The following GALNT1 variants were observed in gnomAD, a reference collection of about 807,000 sequenced individuals.
GALNT1 encodes the protein GalNAc transferase 1.
GALNT1 carries 17 observed loss-of-function variants against 65.7 expected under a neutral mutation model. The observed-to-expected ratio is 0.26, with a 90% CI of 0.18 to 0.39. GALNT1 has a LOEUF of 0.39. GALNT1 is among the 10% of genes least tolerant of loss of function. The pLI is 1.00. For missense variants in GALNT1, 460 were observed against 672.8 expected (o/e 0.68, Z 3.50); for synonymous variants, 210 against 219.7 (o/e 0.96, Z 0.39).
At chr18:35,603,452 G>A (rs1424233610) in intron 1 of GALNT1, among the ~76,000 whole-genome samples, 4 of 152,024 alleles carry the variant, frequency 2.6e-5, no homozygotes, top group African/African-American at 9.7e-5. Context: ...ATTTGTTTTT[G>A]GTTTTCTGCA....
At chr18:35,685,484 TAA>T (rs66682919) in intron 5 of GALNT1, among the ~76,000 whole-genome samples, 29 of 132,234 alleles carry the variant, frequency 2.2e-4, no homozygotes, top group Middle Eastern at 3.8e-3. Flanking sequence ...AAGGATGGCT[TAA>T]AAAAAAAAAA....
intron 1 of GALNT1, among the ~76,000 whole-genome samples, chr18:35,633,186 A>G (rs1226671571): frequency 1.3e-5 from 2 of 152,174 alleles, no homozygotes; most frequent in Non-Finnish European, 2.9e-5. Context: ...CAGCCATCCC[A>G]TTACTTGTTA....
chr18:35,694,637 A>G (rs1207068144), intron 9 of GALNT1, among the ~76,000 whole-genome samples: 1 of 152,256 alleles, frequency 6.6e-6, no homozygotes, highest in Non-Finnish European at 1.5e-5. Context: ...TTACATGTTT[A>G]TAACAGCACT....
chr18:35,590,366 T>C (rs1356100416), intron 1 of GALNT1, among the ~76,000 whole-genome samples: 1 of 152,220 alleles, frequency 6.6e-6, no homozygotes, highest in East Asian at 1.9e-4. Context: ...GAACATATGA[T>C]TGATTTTGAT....
chr18:35,677,511 C>A, intron 3 of GALNT1, 80 bp from the exon 4 acceptor site: 1 of 1,144,220 alleles, frequency 8.7e-7, no homozygotes, highest in Non-Finnish European at 1.2e-6. Context: ...TTTTATTGTT[C>A]TATCACCCTT....
intron 1 of GALNT1, among the ~76,000 whole-genome samples, chr18:35,585,894 A>G (rs1282329780): frequency 1.3e-5 from 2 of 152,066 alleles, no homozygotes; most frequent in East Asian, 3.9e-4. Flanking sequence ...GGTTGTTTCT[A>G]GTTTTTGGCT....
intron 1 of GALNT1, among the ~76,000 whole-genome samples, chr18:35,650,123 CTATTTTCCCTAAGTGTCCTCCGGTCTGAG>C (rs2047290530): frequency 6.6e-6 from 1 of 152,132 alleles, no homozygotes. Flanking sequence ...GGGCCCTTTT[CTATTTTCCCTAAGTGTCCTCCGGTCTGAG>C]AAATAAACGG....
At chr18:35,681,479 A>C (rs1289278760) in intron 4 of GALNT1, among the ~76,000 whole-genome samples, 2 of 150,340 alleles carry the variant, frequency 1.3e-5, no homozygotes, top group Non-Finnish European at 3.0e-5. Context: ...CCGACCACAG[A>C]ATCATGCATT....
At chr18:35,606,019 C>CA (rs2046642851) in intron 1 of GALNT1, among the ~76,000 whole-genome samples, 1 of 152,220 alleles carries the variant, frequency 6.6e-6, no homozygotes, top group Non-Finnish European at 1.5e-5. Flanking sequence ...ACTGTGCTAA[C>CA]AGTCTATCCC....
intron 1 of GALNT1, among the ~76,000 whole-genome samples, chr18:35,616,206 G>A (rs1042013245): frequency 6.6e-6 from 1 of 152,162 alleles, no homozygotes; most frequent in Non-Finnish European, 1.5e-5. Flanking sequence ...ACAAGGTAAA[G>A]GATACAGGTT....
intron 2 of GALNT1, among the ~76,000 whole-genome samples, chr18:35,660,547 A>T (rs1436677246): frequency 1.3e-5 from 2 of 152,172 alleles, no homozygotes; most frequent in African/African-American, 4.8e-5. Flanking sequence ...TTATGCAAAG[A>T]TATTTTCTTT....
At chr18:35,663,141 G>T (rs931165080) in intron 2 of GALNT1, among the ~76,000 whole-genome samples, 2 of 152,216 alleles carry the variant, frequency 1.3e-5, no homozygotes, top group Non-Finnish European at 2.9e-5. Flanking sequence ...GATGGAAGCC[G>T]TGAGGGGATG....
In GALNT1 at chr18:35,626,039, AT is replaced by A. The variant is rs1455072045; in HGVS notation, c.-103-28517del. ...ATTCCCTGCAATTTCTTGCCTCCCTATTTTAACTCACACTGTTTTGTCCACT... is the reference window on the plus strand; with the variant it reads ...ATTCCCTGCAATTTCTTGCCTCCCTATTTAACTCACACTGTTTTGTCCACT... On this transcript the variant is annotated intron_variant, in intron 1 of 11. Transcript: ENST00000269195. Among the ~76,000 whole-genome samples, 13 of 152,020 alleles carry A rather than the reference AT, an allele frequency of 8.6e-5. No individual in the cohort carries two copies. In the East Asian group the frequency reaches 2.5e-3, roughly 29 times the overall value.
chr18:35,604,350 C>T (rs185990487), intron 1 of GALNT1, among the ~76,000 whole-genome samples: 1 of 152,250 alleles, frequency 6.6e-6, no homozygotes, highest in East Asian at 1.9e-4. Flanking sequence ...GATTTCATGT[C>T]TTTGCTATTG....
intron 1 of GALNT1, among the ~76,000 whole-genome samples, chr18:35,638,396 A>C (rs2047119840): frequency 6.6e-6 from 1 of 152,056 alleles, no homozygotes; most frequent in Non-Finnish European, 1.5e-5. Flanking sequence ...ATTTATACAG[A>C]TTTAATGACA....
At chr18:35,633,612 G>A (rs915257183) in intron 1 of GALNT1, among the ~76,000 whole-genome samples, 1 of 152,038 alleles carries the variant, frequency 6.6e-6, no homozygotes, top group Non-Finnish European at 1.5e-5. Context: ...GTTAATAGGT[G>A]CAGCACACCA....
chr18:35,667,025 C>T (rs1253777358), intron 3 of GALNT1, among the ~76,000 whole-genome samples: 3 of 151,646 alleles, frequency 2.0e-5, no homozygotes, highest in Non-Finnish European at 4.4e-5. Context: ...TGTAATGAAC[C>T]CTCTTGTATT....
chr18:35,673,648 G>A (rs2047666077), intron 3 of GALNT1, among the ~76,000 whole-genome samples: 1 of 152,160 alleles, frequency 6.6e-6, no homozygotes, highest in Non-Finnish European at 1.5e-5. Context: ...TTGTTGCCCA[G>A]GCTGGTCTCA....
chr18:35,685,450 C>A (rs1448703071), intron 5 of GALNT1, among the ~76,000 whole-genome samples: 1 of 145,100 alleles, frequency 6.9e-6, no homozygotes, highest in Admixed American at 6.9e-5. Context: ...AACTATTATA[C>A]AGTGGAAGTT....
Sources: gnomAD v4.1 joint callset for allele counts (sites outside exome capture counted in the v4.1 genomes callset) on GRCh38, gnomAD v4.1.1 for gene constraint, MANE v1.5 for transcripts, NCBI Gene and HGNC (gene_info 2026-07-23, HGNC 2026-07-21) for gene names.